The following ABCC9 variants were observed in gnomAD, a reference collection of about 807,000 sequenced individuals.
The protein encoded by ABCC9 is ATP-binding cassette sub-family C member 9.
ABCC9 carries 95 observed loss-of-function variants against 188.3 expected under a neutral mutation model. That is an observed-to-expected ratio of 0.50 (90% CI 0.43 to 0.60). The LOEUF (loss-of-function observed/expected upper bound fraction) is 0.60, where lower values mean the gene tolerates loss of function less well. ABCC9 is among the 20% of genes least tolerant of loss of function. The pLI, the probability that ABCC9 is intolerant of heterozygous loss-of-function variation, is 0.00. For missense variants in ABCC9, 1,102 were observed against 1,876.3 expected (o/e 0.59, Z 7.62); for synonymous variants, 659 against 652.7 (o/e 1.01, Z -0.15).
intron 22 of ABCC9, among the ~76,000 whole-genome samples, chr12:21,852,709 T>A (rs1220912869): frequency 4.6e-5 from 7 of 151,604 alleles, no homozygotes; most frequent in Admixed American, 4.6e-4. Context: ...CAAACCCCCA[T>A]GACACACAAT....
chr12:21,834,976 C>G (rs146678884), intron 30 of ABCC9, among the ~76,000 whole-genome samples: 2 of 152,052 alleles, frequency 1.3e-5, no homozygotes, highest in Non-Finnish European at 2.9e-5. Context: ...CTCCCATAAA[C>G]AAGGCATTGG....
At chr12:21,910,406 T>A in intron 9 of ABCC9, 94 bp from the exon 10 acceptor site, 1 of 1,304,360 alleles carries the variant, frequency 7.7e-7, no homozygotes, top group Non-Finnish European at 1.1e-6. Context: ...ACATTTAATT[T>A]TTTTGAGAAA....
At chr12:21,904,279 A>G (rs964922572) in intron 12 of ABCC9, among the ~76,000 whole-genome samples, 1 of 152,232 alleles carries the variant, frequency 6.6e-6, no homozygotes, top group African/African-American at 2.4e-5. Context: ...AAAATAATTC[A>G]AAATGGATTA....
chr12:21,887,945 CAATA>C lies in ABCC9; in HGVS notation c.1803-15_1803-12del. 6.3e-7 allele frequency: 1 copy of C among 1,586,566 alleles called. No homozygotes were observed. Among genetic ancestry groups the C allele is most frequent in the South Asian group, 1.1e-5 (1 of 90,550 alleles). ...TTCAGCTTTTGAACACTGCAAAAAA[CAATA>C]AACACAGAATAAGAGTTAACAATAA... On this transcript the variant is annotated splice_polypyrimidine_tract_variant and intron_variant, in intron 14 of 39. Transcript: ENST00000261200.
chr12:21,910,400 TTA>T, intron 9 of ABCC9, 88 bp from the exon 10 acceptor site: 1 of 1,354,580 alleles, frequency 7.4e-7, no homozygotes, highest in East Asian at 2.4e-5. Context: ...TAACAAACAT[TTA>T]ATTTTTTTGA....
At chr12:21,818,381 A>G (rs1298420464) in intron 31 of ABCC9, 130 bp from the exon 32 acceptor site, 1 of 735,408 alleles carries the variant, frequency 1.4e-6, no homozygotes, top group East Asian at 2.6e-5. Flanking sequence ...TTTCAGAGGA[A>G]GAATACCTAA....
In ABCC9 at chr12:21,800,812, A is replaced by T; in HGVS notation, c.*232T>A. 1 of 530,164 alleles carries T rather than the reference A, an allele frequency of 1.9e-6. No homozygotes were observed. The highest frequency in any genetic ancestry group is 5.3e-4 in the Middle Eastern group (1 of 1,874). 32.8% of individuals were successfully genotyped at this position (530,164 alleles called of 1,614,324 possible). ...TAGCTTACATGTTTTAATACAACCTAGCTATTCTTAAAGCTAGAGTGGCTG... is the reference window on the plus strand; with the variant it reads ...TAGCTTACATGTTTTAATACAACCTTGCTATTCTTAAAGCTAGAGTGGCTG... On this transcript the variant is annotated 3_prime_UTR_variant, in exon 40 of 40. Transcript: ENST00000261200.
In ABCC9 at chr12:21,797,655, G is replaced by T. The variant is rs1490956881; in HGVS notation, c.*3389C>A. 6.6e-6 allele frequency: 1 copy of T among 152,144 alleles called. No individual in the cohort carries two copies. Among genetic ancestry groups the T allele is most frequent in the Non-Finnish European group, 1.5e-5 (1 of 68,028 alleles). The allele number at this position is 152,144 out of a possible 1,614,324, so 9.4% of individuals were successfully genotyped here. Reference sequence around the variant, plus strand: ...AAGGGCACAATGGCAAACAAGACATGGTCCCGAATCTCAGTTATCAGTTAC... The same window carrying T: ...AAGGGCACAATGGCAAACAAGACATTGTCCCGAATCTCAGTTATCAGTTAC... On this transcript the variant is annotated 3_prime_UTR_variant, in exon 40 of 40. Transcript: ENST00000261200.
chr12:21,867,470 G>A (rs1945836655), intron 18 of ABCC9, among the ~76,000 whole-genome samples: 2 of 152,104 alleles, frequency 1.3e-5, no homozygotes, highest in African/African-American at 2.4e-5. Context: ...TCCTCCCAGA[G>A]TAAAAGTTAA....
intron 17 of ABCC9, among the ~76,000 whole-genome samples, chr12:21,875,091 A>G (rs1400132272): frequency 1.3e-5 from 2 of 151,926 alleles, no homozygotes; most frequent in African/African-American, 4.8e-5. Flanking sequence ...AAATAAAAGC[A>G]GAAGAACACA....
At chr12:21,860,727 T>G (rs900417086) in intron 21 of ABCC9, among the ~76,000 whole-genome samples, 2 of 152,182 alleles carry the variant, frequency 1.3e-5, no homozygotes, top group Admixed American at 1.3e-4. Context: ...ATGTTTCACC[T>G]TTCTTTGAGA....
At chr12:21,879,733 C>T (rs1167934271) in intron 16 of ABCC9, among the ~76,000 whole-genome samples, 1 of 151,556 alleles carries the variant, frequency 6.6e-6, no homozygotes, top group Non-Finnish European at 1.5e-5. Flanking sequence ...AAAAATCTCA[C>T]TAAAAGAAGC....
chr12:21,833,329 T>C (rs1943881248), intron 30 of ABCC9, among the ~76,000 whole-genome samples: 1 of 152,122 alleles, frequency 6.6e-6, no homozygotes, highest in Non-Finnish European at 1.5e-5. Context: ...TAAACCTGGA[T>C]TGGATCCTGC....
intron 30 of ABCC9, among the ~76,000 whole-genome samples, chr12:21,835,278 A>T: frequency 6.6e-6 from 1 of 152,240 alleles, no homozygotes; most frequent in East Asian, 1.9e-4. Flanking sequence ...CCTAGTATGT[A>T]ACTGACTCTG....
intron 14 of ABCC9, among the ~76,000 whole-genome samples, chr12:21,888,414 G>T (rs1946987659): frequency 6.6e-6 from 1 of 151,942 alleles, no homozygotes; most frequent in South Asian, 2.1e-4. Context: ...TGGAATCCTT[G>T]GCCACTGTGT....
chr12:21,894,948 C>CA (rs2137745192), intron 13 of ABCC9, among the ~76,000 whole-genome samples: 1 of 152,230 alleles, frequency 6.6e-6, no homozygotes, highest in South Asian at 2.1e-4. Flanking sequence ...GTTCATTTTG[C>CA]AATGTTTGCA....
At chr12:21,924,752 C>G (rs551387751) in intron 5 of ABCC9, 179 of 152,000 alleles carry the variant, frequency 1.2e-3, no homozygotes, top group African/African-American at 4.0e-3. Context: ...TTTTTTGCAG[C>G]TACTTGTTGG....
chr12:21,805,690 A>G (rs1159967723), intron 39 of ABCC9, among the ~76,000 whole-genome samples: 1 of 152,190 alleles, frequency 6.6e-6, no homozygotes, highest in East Asian at 1.9e-4. Context: ...ATTATAGAAA[A>G]GAGAATTATT....
rs770058439 is a variant in ABCC9, at chr12:21,805,333, A to G, written c.4512+665T>C. On this transcript the variant is annotated intron_variant, in intron 39 of 39. Coordinates refer to ENST00000261200, the MANE Select transcript of ABCC9 (RefSeq NM_020297.4). ...GGTGCTGGAGAGAAAAATAGAAAAG[A>G]AGAGAATCAGCAGAAGGAAAAATGT... 5 of 1,611,252 alleles carry G rather than the reference A, an allele frequency of 3.1e-6. No homozygotes were observed. In the South Asian group the frequency reaches 5.5e-5, roughly 18 times the overall value.
Sources: allele counts gnomAD v4.1 joint callset (sites outside exome capture counted in the v4.1 genomes callset), GRCh38; gene constraint gnomAD v4.1.1; transcripts MANE v1.5; gene names NCBI Gene and HGNC (gene_info 2026-07-23, HGNC 2026-07-21).